Variants in LRRK1 observed in about 807,000 individuals in gnomAD.
LRRK1 encodes leucine rich repeat kinase 1.
Under a neutral mutation model 209.1 loss-of-function variants are expected in LRRK1, and 113 were observed. The observed-to-expected ratio is 0.54, with a 90% CI of 0.46 to 0.63. LRRK1 has a LOEUF of 0.63. Ranked by LOEUF, LRRK1 falls within the 30% of genes least tolerant of loss-of-function variation. The pLI, the probability that LRRK1 is intolerant of heterozygous loss-of-function variation, is 0.00. For missense variants in LRRK1, 2,284 were observed against 2,632.2 expected (o/e 0.87, Z 2.89); for synonymous variants, 1,144 against 1,099.7 (o/e 1.04, Z -0.80).
chr15:100,970,961 C>T (rs541982306), intron 2 of LRRK1, among the ~76,000 whole-genome samples: 3 of 151,912 alleles, frequency 2.0e-5, no homozygotes, highest in African/African-American at 7.2e-5. Flanking sequence ...TTCAATTTTT[C>T]AATGTTAACT....
At position 101,022,789 on chromosome 15, in the gene LRRK1, T is replaced by C. The variant is rs1456802130; in HGVS notation, c.2067+192T>C. Among the ~76,000 whole-genome samples, 1 of 152,056 alleles carries C rather than the reference T, an allele frequency of 6.6e-6. No individual in the cohort carries two copies. The highest frequency in any genetic ancestry group is 1.5e-5 in the Non-Finnish European group (1 of 68,022). On this transcript the variant is annotated intron_variant, in intron 15 of 33. Coordinates refer to ENST00000388948, the MANE Select transcript of LRRK1 (RefSeq NM_024652.6). The surrounding 1 kb of genome is among the most constrained non-coding windows in gnomAD (Gnocchi z 4.0). ...AGCGAATCATTTCTTAATGTGACTTTGTGATGTTTTCTTTTTCTTTACTTT... is the reference window on the plus strand; with the variant it reads ...AGCGAATCATTTCTTAATGTGACTTCGTGATGTTTTCTTTTTCTTTACTTT...
intron 2 of LRRK1, among the ~76,000 whole-genome samples, chr15:100,929,633 C>T (rs943643411): frequency 2.6e-5 from 4 of 152,194 alleles, no homozygotes; most frequent in East Asian, 3.9e-4. Context: ...GGAAAGTCTA[C>T]GAGGGACAGA....
intron 6 of LRRK1, among the ~76,000 whole-genome samples, chr15:100,997,671 G>A (rs1054798844): frequency 6.6e-6 from 1 of 152,218 alleles, no homozygotes; most frequent in Non-Finnish European, 1.5e-5. Context: ...CCAGGGTCTT[G>A]CTGCTGGCAC....
chr15:101,014,828 G>C (rs996721768), intron 11 of LRRK1, among the ~76,000 whole-genome samples: 3 of 152,240 alleles, frequency 2.0e-5, no homozygotes, highest in African/African-American at 7.2e-5. Flanking sequence ...ACATTCTGAG[G>C]AATTGGAGGT....
At position 101,063,810 on chromosome 15, in the gene LRRK1, T is replaced by TA. The variant is rs3835122; in HGVS notation, c.4914+1134dup. Among the ~76,000 whole-genome samples the TA allele has an allele frequency of 3.5e-3, 520 of 146,702 alleles. 15 individuals are homozygous for TA. In the East Asian group the frequency reaches 0.058, roughly 16 times the overall value. ...CTCTTCACCCTTCTTCAGTTTCATT[T>TA]AAAAAAAAAAAAAACAGGTATGAAA... On this transcript the variant is annotated intron_variant, in intron 31 of 33. Coordinates refer to ENST00000388948, the MANE Select transcript of LRRK1 (RefSeq NM_024652.6).
At chr15:101,068,093 C>T (rs73490930) in intron 33 of LRRK1, among the ~76,000 whole-genome samples, 32,994 of 152,124 alleles carry the variant, frequency 0.22, 4,562 homozygotes, top group African/African-American at 0.39. Flanking sequence ...ACCACCAGGG[C>T]AGGGAGGCCA....
chr15:101,011,603 C>A (rs369537376), intron 9 of LRRK1, among the ~76,000 whole-genome samples: 7 of 136,256 alleles, frequency 5.1e-5, no homozygotes, highest in African/African-American at 1.9e-4. Flanking sequence ...TGTGTGTGTG[C>A]ATGTGTGTGT....
intron 29 of LRRK1, among the ~76,000 whole-genome samples, chr15:101,058,430 C>G (rs1403847590): frequency 1.3e-5 from 2 of 151,916 alleles, no homozygotes; most frequent in East Asian, 3.9e-4. Context: ...CCTAGCCACT[C>G]CAGAGGCTGA....
At position 100,924,508 on chromosome 15, in the gene LRRK1, C is replaced by G. The variant is rs1241731855; in HGVS notation, c.-122-3C>G. 1 of 728,380 alleles carries G rather than the reference C, an allele frequency of 1.4e-6. No homozygotes were observed. The highest frequency in any genetic ancestry group is 2.4e-6 in the Non-Finnish European group (1 of 424,576). The allele number at this position is 728,380 out of a possible 1,614,324, so 45.1% of individuals were successfully genotyped here. On this transcript the variant is annotated splice_region_variant and splice_polypyrimidine_tract_variant and intron_variant, in intron 1 of 33. Coordinates refer to ENST00000388948, the MANE Select transcript of LRRK1 (RefSeq NM_024652.6). Reference sequence around the variant, plus strand: ...TTCTGTTTTGATTGTTTTTCGCCACCAGAGCAAGAAAGCTTTCTGCTCAGC... The same window carrying G: ...TTCTGTTTTGATTGTTTTTCGCCACGAGAGCAAGAAAGCTTTCTGCTCAGC...
At chr15:101,052,135 ACCAGGCTGCCGGCTTTCCATTTTGGAGG>A (rs1462270060) in intron 24 of LRRK1, among the ~76,000 whole-genome samples, 175 bp downstream of exon 24, 46 of 152,232 alleles carry the variant, frequency 3.0e-4, no homozygotes, top group Non-Finnish European at 3.2e-4. Context: ...CCTGAAAGGA[ACCAGGCTGCCGGCTTTCCATTTTGGAGG>A]CCTTGATAGG....
intron 3 of LRRK1, among the ~76,000 whole-genome samples, chr15:100,979,447 G>GA (rs1488740663): frequency 1.3e-5 from 2 of 152,062 alleles, no homozygotes; most frequent in Non-Finnish European, 2.9e-5. Flanking sequence ...GCCAATGCAA[G>GA]AAGGCAAGGA....
At position 101,076,595 on chromosome 15, in the gene LRRK1, A is replaced by T. The variant is rs2036994700; in HGVS notation, c.*7747A>T. 1 of 152,484 alleles carries T rather than the reference A, an allele frequency of 6.6e-6. No individual in the cohort carries two copies. Among genetic ancestry groups the T allele is most frequent in the Non-Finnish European group, 1.5e-5 (1 of 68,266 alleles). 9.4% of individuals were successfully genotyped at this position (152,484 alleles called of 1,614,324 possible). A position where few individuals can be genotyped will look rare whatever the true frequency, so the allele number is the denominator to read the frequency against. ...AGGCTGTGCTATAGTACAAGCCGCT[A>T]GCCCGCCTCTTAGAACCTCTCATTT... On this transcript the variant is annotated 3_prime_UTR_variant, in exon 34 of 34. Coordinates refer to ENST00000388948, the MANE Select transcript of LRRK1 (RefSeq NM_024652.6).
intron 20 of LRRK1, among the ~76,000 whole-genome samples, chr15:101,036,655 T>C (rs1324271367): frequency 6.6e-6 from 1 of 152,228 alleles, no homozygotes; most frequent in Non-Finnish European, 1.5e-5. Flanking sequence ...TTGTTTTCCT[T>C]TGGAAGTATC....
intron 3 of LRRK1, among the ~76,000 whole-genome samples, chr15:100,976,764 C>A (rs945402078): frequency 1.3e-5 from 2 of 152,144 alleles, no homozygotes; most frequent in Non-Finnish European, 2.9e-5. Flanking sequence ...GATAGAACAA[C>A]CTTGAAAACT....
intron 6 of LRRK1, among the ~76,000 whole-genome samples, chr15:100,995,028 C>G (rs1353915928): frequency 2.6e-5 from 4 of 152,150 alleles, no homozygotes; most frequent in Non-Finnish European, 5.9e-5. Context: ...TCTGAAAAGG[C>G]CTTTGGCACT....
chr15:101,051,552 C>T (rs2035437892), intron 23 of LRRK1, among the ~76,000 whole-genome samples, 159 bp from the exon 24 acceptor site: 1 of 152,228 alleles, frequency 6.6e-6, no homozygotes, highest in Non-Finnish European at 1.5e-5. Flanking sequence ...AAAAGGCACC[C>T]GAATGTGGCA....
intron 7 of LRRK1, among the ~76,000 whole-genome samples, chr15:101,009,519 A>G (rs1313198459): frequency 6.6e-6 from 1 of 152,226 alleles, no homozygotes; most frequent in Non-Finnish European, 1.5e-5. Context: ...CCTTGGAGGG[A>G]GACCTGAGCC....
In LRRK1 at chr15:101,022,961, T is replaced by G. The variant is rs576619385; in HGVS notation, c.2067+364T>G. On this transcript the variant is annotated intron_variant, in intron 15 of 33. Transcript: ENST00000388948. The surrounding 1 kb of genome is among the most constrained non-coding windows in gnomAD (Gnocchi z 4.0). ...TGGGACAGTGGTTCTTAACCCCGGC[T>G]GTCTGTTAGATTCCCTTGAGGGGCT... Among the ~76,000 whole-genome samples, 1 of 152,226 alleles carries G rather than the reference T, an allele frequency of 6.6e-6. No individual in the cohort carries two copies. Among genetic ancestry groups the G allele is most frequent in the Admixed American group, 6.5e-5 (1 of 15,292 alleles).
chr15:100,942,485 T>G (rs1269827549), intron 2 of LRRK1, among the ~76,000 whole-genome samples: 1 of 152,180 alleles, frequency 6.6e-6, no homozygotes, highest in Non-Finnish European at 1.5e-5. Context: ...TTTATTTGGC[T>G]CTAAGCTAGA....
Sources: allele counts gnomAD v4.1 joint callset (sites outside exome capture counted in the v4.1 genomes callset), GRCh38; gene constraint gnomAD v4.1.1; non-coding constraint Gnocchi (gnomAD v3.1); transcripts MANE v1.5; gene names NCBI Gene and HGNC (gene_info 2026-07-23, HGNC 2026-07-21).